Variants in RYR1 observed in about 807,000 individuals in gnomAD.
RYR1 encodes the protein ryanodine receptor 1.
RYR1 carries 342 observed loss-of-function variants against 583.5 expected under a neutral mutation model. The ratio of observed to expected loss-of-function variants is 0.59; its 90% CI spans 0.54 to 0.64. The LOEUF (loss-of-function observed/expected upper bound fraction) is 0.64, where lower values mean the gene tolerates loss of function less well. Ranked by LOEUF, RYR1 falls within the 30% of genes least tolerant of loss-of-function variation. RYR1 has a pLI of 0.00. For synonymous variants in RYR1, 2,791 were observed against 2,822.5 expected (o/e 0.99, Z 0.35); for missense variants, 6,032 against 6,917.2 (o/e 0.87, Z 4.54).
chr19:38,473,655 A>G lies in RYR1; in HGVS notation c.4044A>G (p.Lys1348=). 1.3e-6 allele frequency: 2 copies of G among 1,555,600 alleles called. No homozygotes were observed. The highest frequency in any genetic ancestry group is 1.7e-6 in the Non-Finnish European group (2 of 1,149,672). ...GCTGGAGCGAGGCAGAGAACGGCAAAGAAGGGACTGCGAAGGAGGGCGCCC... is the reference window on the plus strand; with the variant it reads ...GCTGGAGCGAGGCAGAGAACGGCAAGGAAGGGACTGCGAAGGAGGGCGCCC... ...AGGWSEAENG[K]EGTAKEGAPG... Residue 1348 remains lysine, a synonymous_variant, in exon 28 of 106, where the codon AAA becomes AAG. Transcript: ENST00000359596.
rs917697981 is a variant in RYR1 at position 38,515,002 on chromosome 19, A to G, written c.9473-24A>G. 6 of 1,586,516 alleles carry G rather than the reference A, an allele frequency of 3.8e-6. No individual in the cohort carries two copies. The African/African-American group carries it at 6.7e-5, about 18-fold the overall frequency. Reference sequence around the variant, plus strand: ...GGCTTGTCTTGTGAGCGCATGCCGCAGCCTCGCCCCCTGTCTCCCTCAGTG... The same window carrying G: ...GGCTTGTCTTGTGAGCGCATGCCGCGGCCTCGCCCCCTGTCTCCCTCAGTG... On this transcript the variant is annotated intron_variant, in intron 63 of 105. Coordinates refer to ENST00000359596, the MANE Select transcript of RYR1 (RefSeq NM_000540.3).
intron 48 of RYR1, 37 bp downstream of exon 48, chr19:38,502,764 G>A (rs1159685091): frequency 7.8e-6 from 6 of 773,600 alleles, no homozygotes; most frequent in Non-Finnish European, 1.2e-5. Context: ...GGCAGGGGCA[G>A]GGGCAGGGGC....
Position 38,567,904 on chromosome 19 carries a change from G to C in RYR1, c.13646G>C (p.Arg4549Thr). The C allele has an allele frequency of 6.2e-7, 1 of 1,613,554 alleles. No homozygotes were observed. Among genetic ancestry groups the C allele is most frequent in the Non-Finnish European group, 8.5e-7 (1 of 1,179,970 alleles). The change falls in exon 93 of 106, where the codon AGG (arginine) becomes ACG (threonine). Residue 4549 changes from arginine (R) to threonine (T), a missense_variant. By Grantham distance (71) the Arg-to-Thr change is moderately conservative (BLOSUM62 -1). Transcript: ENST00000359596. ...TTCTGGGGAGAACTGGAGGTGCAGA[G>C]GGTGAAGTTCCTGGTAAGGATCCAG... ...GEFWGELEVQ[R>T]VKFLNYLSRN...
In RYR1 at chr19:38,565,757, A is replaced by G; in HGVS notation, c.13423A>G (p.Lys4475Glu). 7.1e-7 allele frequency: 1 copy of G among 1,411,478 alleles called. No homozygotes were observed. Among genetic ancestry groups the G allele is most frequent in the Non-Finnish European group, 9.2e-7 (1 of 1,090,784 alleles). The allele number at this position is 1,411,478 out of a possible 1,614,324, so 87.4% of individuals were successfully genotyped here. ...CACACCCGAGGGCTCTCCCATCCTC[A>G]AGAGGAAATTGGGGGTGAGAGAGCA... ...PPTPEGSPILKRKLGVDGVEE... is the reference protein window; with the variant it reads ...PPTPEGSPILERKLGVDGVEE... Residue 4475 changes from lysine to glutamate, a missense_variant, in exon 91 of 106, where the codon AAG becomes GAG. Lys to Glu is a moderately conservative substitution (Grantham distance 56, BLOSUM62 1). This residue lies in a region of RYR1 where 753 missense variants were observed against 759.6 expected (regional missense o/e 0.99). Coordinates refer to ENST00000359596, the MANE Select transcript of RYR1 (RefSeq NM_000540.3). This position sits in a 1 kb window ranked among gnomAD's most constrained non-coding sequence, Gnocchi z 4.7.
In RYR1 at chr19:38,573,275, G is replaced by T; in HGVS notation, c.14097G>T (p.Lys4699Asn). Residue 4699 changes from lysine to asparagine, a missense_variant, in exon 96 of 106, where the codon AAG becomes AAT. Lys to Asn is a moderately conservative substitution (Grantham distance 94). Coordinates refer to ENST00000359596, the MANE Select transcript of RYR1 (RefSeq NM_000540.3). Reference sequence around the variant, plus strand: ...AGCAGCCTGAGGACGATGACGTGAAGGGGCAGTGGGACCGACTGGTGCTCA... The same window carrying T: ...AGCAGCCTGAGGACGATGACGTGAATGGGCAGTGGGACCGACTGGTGCTCA... Reference protein sequence around the residue: ...ITEQPEDDDVKGQWDRLVLNT... With the variant: ...ITEQPEDDDVNGQWDRLVLNT... The T allele has an allele frequency of 6.2e-7, 1 of 1,613,958 alleles. No homozygotes were observed. Among genetic ancestry groups the T allele is most frequent in the Non-Finnish European group, 8.5e-7 (1 of 1,179,924 alleles).
rs1967391551 is a variant in RYR1 at position 38,456,355 on chromosome 19, C to G, written c.1791+604C>G. ...GGAGTGCAGTGGCATGATCTCAGCTCACTGCAACCTCTGCTTCCCGGGTTC... is the reference window on the plus strand; with the variant it reads ...GGAGTGCAGTGGCATGATCTCAGCTGACTGCAACCTCTGCTTCCCGGGTTC... On this transcript the variant is annotated intron_variant, in intron 16 of 105. Coordinates refer to ENST00000359596, the MANE Select transcript of RYR1 (RefSeq NM_000540.3). Among the ~76,000 whole-genome samples, 3 of 146,884 alleles carry G rather than the reference C, an allele frequency of 2.0e-5. No homozygotes were observed. In the Admixed American group the frequency reaches 2.1e-4, roughly 10 times the overall value.
At chr19:38,456,263 C>T (rs1160368386) in intron 16 of RYR1, among the ~76,000 whole-genome samples, 4 of 143,930 alleles carry the variant, frequency 2.8e-5, no homozygotes, top group Non-Finnish European at 6.0e-5. Context: ...CGTGAACCAC[C>T]AGCGCCTGGC....
chr19:38,573,308 G>A lies in RYR1; in HGVS notation c.14129+1G>A, dbSNP rs142929172. ...GGGACCGACTGGTGCTCAACACGCC[G>A]TAAGGACCCAGCCCCCACCTCAGGG... On this transcript the variant is annotated splice_donor_variant, in intron 96 of 105. Coordinates refer to ENST00000359596, the MANE Select transcript of RYR1 (RefSeq NM_000540.3). LOFTEE classifies it high-confidence loss of function. The A allele has an allele frequency of 6.8e-6, 11 of 1,612,762 alleles. No homozygotes were observed. The highest frequency in any genetic ancestry group is 6.7e-5 in the African/African-American group (5 of 74,872).
intron 78 of RYR1, among the ~76,000 whole-genome samples, chr19:38,533,818 A>G (rs1971845461): frequency 6.6e-6 from 1 of 151,978 alleles, no homozygotes; most frequent in African/African-American, 2.4e-5. Flanking sequence ...AGTAGATCCA[A>G]CAGCTACTAT....
At chr19:38,439,044 T>G (rs1367578945) in intron 1 of RYR1, among the ~76,000 whole-genome samples, 1 of 152,094 alleles carries the variant, frequency 6.6e-6, no homozygotes, top group Non-Finnish European at 1.5e-5. Flanking sequence ...TTGACTTTAT[T>G]CACTGCTCTA....
Position 38,443,637 on chromosome 19 carries a change from G to A in RYR1, c.345+5G>A. On this transcript the variant is annotated splice_donor_5th_base_variant and intron_variant, in intron 4 of 105. Coordinates refer to ENST00000359596, the MANE Select transcript of RYR1 (RefSeq NM_000540.3). The stretch of plus-strand genomic sequence containing the variant: ...CGGCATGCACACAGCCGCATGGTGA[G>A]TGCAACCTCGGTGGGCGTGGGCAGG... 6.2e-7 allele frequency: 1 copy of A among 1,614,140 alleles called. No individual in the cohort carries two copies. The highest frequency in any genetic ancestry group is 1.3e-5 in the African/African-American group (1 of 75,034).
Position 38,504,728 on chromosome 19 carries a change from G to T in RYR1, c.8068-20G>T. 1.9e-6 allele frequency: 3 copies of T among 1,613,706 alleles called. No homozygotes were observed. Among genetic ancestry groups the T allele is most frequent in the Non-Finnish European group, 2.5e-6 (3 of 1,179,986 alleles). The stretch of plus-strand genomic sequence containing the variant: ...AGGCTTATAGCGACCTCCTACCCCT[G>T]CTTCACCCGGTTTTCCCAGAAATAC... On this transcript the variant is annotated intron_variant, in intron 50 of 105. Coordinates refer to ENST00000359596, the MANE Select transcript of RYR1 (RefSeq NM_000540.3).
intron 29 of RYR1, 42 bp from the exon 30 acceptor site, chr19:38,477,668 G>A: frequency 6.2e-7 from 1 of 1,613,794 alleles, no homozygotes; most frequent in East Asian, 2.2e-5. Flanking sequence ...CCGAGTCCCT[G>A]ACTTCCAGAC....
rs1283249013 is a variant in RYR1 at position 38,483,543 on chromosome 19, G to A, written c.4934+27G>A. The A allele has an allele frequency of 1.3e-6, 2 of 1,526,402 alleles. No homozygotes were observed. The highest frequency in any genetic ancestry group is 1.8e-6 in the Non-Finnish European group (2 of 1,136,808). 94.6% of individuals were successfully genotyped at this position (1,526,402 alleles called of 1,614,324 possible). A position where few individuals can be genotyped will look rare whatever the true frequency, so the allele number is the denominator to read the frequency against. On this transcript the variant is annotated intron_variant, in intron 33 of 105. Transcript: ENST00000359596. The surrounding 1 kb of genome is among the most constrained non-coding windows in gnomAD (Gnocchi z 6.3). ...TCAGGGCCAGCCCAGCTATGCAGGGGTGGGCAGGTGTTGCAAGCCCTCTGG... is the reference window on the plus strand; with the variant it reads ...TCAGGGCCAGCCCAGCTATGCAGGGATGGGCAGGTGTTGCAAGCCCTCTGG...
At position 38,567,766 on chromosome 19, in the gene RYR1, C is replaced by T. The variant is rs780441103; in HGVS notation, c.13515-7C>T. ...ACCTCCTGACCTCTCTCTGTCCTGC[C>T]CTGCAGTGCCGAGAATGGGGAGAAG... On this transcript the variant is annotated splice_polypyrimidine_tract_variant and splice_region_variant and intron_variant, in intron 92 of 105. Coordinates refer to ENST00000359596, the MANE Select transcript of RYR1 (RefSeq NM_000540.3). The T allele has an allele frequency of 1.9e-6, 3 of 1,614,154 alleles. No homozygotes were observed. The highest frequency in any genetic ancestry group is 1.7e-6 in the Non-Finnish European group (2 of 1,180,020).
intron 74 of RYR1, 77 bp from the exon 75 acceptor site, chr19:38,528,522 G>C: frequency 6.3e-7 from 1 of 1,591,262 alleles, no homozygotes; most frequent in Non-Finnish European, 8.6e-7. Flanking sequence ...GAGGGTGGTT[G>C]GGGGCTGCAG....
At chr19:38,582,480 A>G (rs1476010939) in intron 101 of RYR1, among the ~76,000 whole-genome samples, 1 of 151,554 alleles carries the variant, frequency 6.6e-6, no homozygotes, top group African/African-American at 2.4e-5. Context: ...TATCATCATT[A>G]TCCACAATTA....
intron 31 of RYR1, among the ~76,000 whole-genome samples, chr19:38,480,966 G>A (rs1244273901): frequency 6.6e-6 from 1 of 151,752 alleles, no homozygotes; most frequent in Non-Finnish European, 1.5e-5. Flanking sequence ...GGGCTCAAGT[G>A]ACCCTCCTGC....
At chr19:38,574,822 G>A (rs1043649739) in intron 96 of RYR1, among the ~76,000 whole-genome samples, 2 of 151,844 alleles carry the variant, frequency 1.3e-5, no homozygotes, top group African/African-American at 2.4e-5. Context: ...GGCGGATCAC[G>A]AGGTCAGGAG....
Sources: allele counts gnomAD v4.1 joint callset (sites outside exome capture counted in the v4.1 genomes callset), GRCh38; gene constraint gnomAD v4.1.1; regional missense constraint gnomAD v4.1.1; non-coding constraint Gnocchi (gnomAD v3.1); transcripts MANE v1.5; gene names NCBI Gene and HGNC (gene_info 2026-07-23, HGNC 2026-07-21).